Variants in CCR5AS observed in about 807,000 individuals in gnomAD.
CCR5AS encodes CCR5 antisense RNA.
At chr3:46,391,393 G>C (rs1296649990) in intron 2 of CCR5AS, among the ~76,000 whole-genome samples, 1 of 152,202 alleles carries the variant, frequency 6.6e-6, no homozygotes, top group South Asian at 2.1e-4. Flanking sequence ...ATTAAATCCT[G>C]TTGTGGGGTT....
At chr3:46,391,874 C>G (rs1701917342) in intron 2 of CCR5AS, among the ~76,000 whole-genome samples, 4 of 151,898 alleles carry the variant, frequency 2.6e-5, no homozygotes, top group African/African-American at 9.7e-5. Flanking sequence ...AAGGAGGATT[C>G]AAAGGACTCA....
chr3:46,385,179 T>C (rs909944883), intron 2 of CCR5AS, among the ~76,000 whole-genome samples: 14 of 152,204 alleles, frequency 9.2e-5, no homozygotes, highest in African/African-American at 3.4e-4. Context: ...TAATTCAGCA[T>C]TTATTGAATG....
At chr3:46,387,759 G>A (rs1701875639) in intron 2 of CCR5AS, among the ~76,000 whole-genome samples, 1 of 152,190 alleles carries the variant, frequency 6.6e-6, no homozygotes, top group South Asian at 2.1e-4. Flanking sequence ...TCATGTGGGT[G>A]CAGGCAGACT....
chr3:46,380,365 A>G (rs1312025492), intron 2 of CCR5AS, among the ~76,000 whole-genome samples: 1 of 152,226 alleles, frequency 6.6e-6, no homozygotes, highest in African/African-American at 2.4e-5. Flanking sequence ...ACAAGAGGAA[A>G]GGAGAAAAGA....
chr3:46,377,967 C>G (rs1023825655), intron 2 of CCR5AS, among the ~76,000 whole-genome samples: 1 of 152,094 alleles, frequency 6.6e-6, no homozygotes, highest in Admixed American at 6.6e-5. Flanking sequence ...GGCCTCCCAC[C>G]GAAGTGCTGG....
chr3:46,394,368 T>C (rs932104740), intron 1 of CCR5AS, among the ~76,000 whole-genome samples: 1 of 152,178 alleles, frequency 6.6e-6, no homozygotes, highest in African/African-American at 2.4e-5. Flanking sequence ...CCTGGCAGAT[T>C]TCGGCGACTT....
intron 2 of CCR5AS, among the ~76,000 whole-genome samples, chr3:46,386,047 G>A (rs1169726146): frequency 6.6e-6 from 1 of 152,030 alleles, no homozygotes; most frequent in East Asian, 1.9e-4. Context: ...AAGTAGCTGG[G>A]AGGACAGACG....
At chr3:46,397,498 G>A (rs1461964899) in intron 1 of CCR5AS, among the ~76,000 whole-genome samples, 1 of 152,202 alleles carries the variant, frequency 6.6e-6, no homozygotes, top group Non-Finnish European at 1.5e-5. Flanking sequence ...AGTGCCTGGT[G>A]CCAGTGAGAG....
At chr3:46,399,691 T>C (rs770914820) in intron 1 of CCR5AS, among the ~76,000 whole-genome samples, 20 of 152,008 alleles carry the variant, frequency 1.3e-4, no homozygotes, top group Non-Finnish European at 2.4e-4. Context: ...ACTCTGTCCA[T>C]GGAGAGAGGA....
chr3:46,390,679 G>A (rs1375318412), intron 2 of CCR5AS, among the ~76,000 whole-genome samples: 1 of 152,256 alleles, frequency 6.6e-6, no homozygotes, highest in East Asian at 1.9e-4. Context: ...GTGCAGCAAA[G>A]AGATGTGGCT....
intron 2 of CCR5AS, among the ~76,000 whole-genome samples, chr3:46,382,138 G>C (rs1701822548): frequency 6.6e-6 from 1 of 152,220 alleles, no homozygotes. Flanking sequence ...AGGCTATCTG[G>C]GGGCCAGGCA....
chr3:46,374,001 C>T, intron 2 of CCR5AS: 1 of 1,456,800 alleles, frequency 6.9e-7, no homozygotes. Context: ...CAGAGTTGTG[C>T]ACATGGCTTA....
intron 3 of CCR5AS, among the ~76,000 whole-genome samples, chr3:46,365,834 CA>C (rs1436277712): frequency 6.6e-6 from 1 of 152,186 alleles, no homozygotes; most frequent in Non-Finnish European, 1.5e-5. Context: ...CTGTGGTAGC[CA>C]CTTGACCCAG....
intron 1 of CCR5AS, among the ~76,000 whole-genome samples, chr3:46,399,360 GA>G (rs1701987463): frequency 2.0e-5 from 3 of 152,316 alleles, no homozygotes; most frequent in Admixed American, 2.0e-4. Context: ...AATCTCAGTG[GA>G]ATGGTGGGGG....
At chr3:46,373,576 G>A (rs764278401) in intron 2 of CCR5AS, 45 of 1,613,464 alleles carry the variant, frequency 2.8e-5, no homozygotes, top group East Asian at 6.7e-5. Context: ...CTTCGGTGTC[G>A]AAATGAGAAG....
At chr3:46,390,508 G>A (rs1701901915) in intron 2 of CCR5AS, among the ~76,000 whole-genome samples, 1 of 152,094 alleles carries the variant, frequency 6.6e-6, no homozygotes, top group South Asian at 2.1e-4. Flanking sequence ...GCTGTGGGAT[G>A]GGATATTGGC....
intron 2 of CCR5AS, among the ~76,000 whole-genome samples, chr3:46,390,310 C>T (rs145819404): frequency 0.014 from 2,191 of 152,044 alleles, 61 homozygotes; most frequent in African/African-American, 0.05. Flanking sequence ...GGAGGGTGTA[C>T]GGGTTTGGCA....
intron 2 of CCR5AS, among the ~76,000 whole-genome samples, chr3:46,389,757 G>A (rs762790443): frequency 1.1e-4 from 16 of 152,148 alleles, no homozygotes; most frequent in Non-Finnish European, 2.4e-4. Flanking sequence ...GGTTTGATTA[G>A]GATAGCAAAG....
chr3:46,364,310 T>A (rs903064818), downstream of CCR5AS, among the ~76,000 whole-genome samples: 1 of 152,214 alleles, frequency 6.6e-6, no homozygotes, highest in Non-Finnish European at 1.5e-5. Flanking sequence ...ATTTTGTAAA[T>A]CCTGGTGTCA....
Sources: gnomAD v4.1 joint callset for allele counts (sites outside exome capture counted in the v4.1 genomes callset) on GRCh38, gnomAD v4.1.1 for gene constraint, MANE v1.5 for transcripts, NCBI Gene and HGNC (gene_info 2026-07-23, HGNC 2026-07-21) for gene names.